The following CDKN2B-AS1 variants were observed in gnomAD, a reference collection of about 807,000 sequenced individuals.
CDKN2B-AS1 encodes the protein CDKN2B antisense RNA 1 (non-protein coding).
chr9:22,068,098 T>C (rs1398031443), intron 4 of CDKN2B-AS1, among the ~76,000 whole-genome samples: 1 of 152,212 alleles, frequency 6.6e-6, no homozygotes, highest in African/African-American at 2.4e-5. Context: ...CACTTAAATG[T>C]TAGTTTTGTC....
intron 1 of CDKN2B-AS1, among the ~76,000 whole-genome samples, chr9:22,021,632 A>AT (rs892773279): frequency 1.1e-4 from 16 of 150,948 alleles, no homozygotes; most frequent in South Asian, 2.1e-4. Context: ...CCTTGTAGAG[A>AT]TTTTTTTTTG....
Position 22,001,968 on chromosome 9 carries a change from G to T in CDKN2B-AS1, n.29+6807G>T, listed in dbSNP as rs1214311884. On this transcript the variant is annotated intron_variant and non_coding_transcript_variant, in intron 1 of 4. Transcript: ENST00000650946. The surrounding 1 kb of genome is among the most constrained non-coding windows in gnomAD (Gnocchi z 4.2). The stretch of plus-strand genomic sequence containing the variant: ...TAAGTAGAATAGGAAAATATTGAAA[G>T]TATTGAGGCTCAACTGTTGTTGCCC... 1.3e-5 allele frequency among the ~76,000 whole-genome samples: 2 copies of T among 152,060 alleles called. No homozygotes were observed. Among genetic ancestry groups the T allele is most frequent in the Non-Finnish European group, 2.9e-5 (2 of 67,946 alleles).
At chr9:22,114,873 C>T (rs1310326190) in intron 4 of CDKN2B-AS1, among the ~76,000 whole-genome samples, 1 of 152,188 alleles carries the variant, frequency 6.6e-6, no homozygotes, top group African/African-American at 2.4e-5. Flanking sequence ...GCTAATCATT[C>T]AAATTTATGC....
intron 4 of CDKN2B-AS1, among the ~76,000 whole-genome samples, chr9:22,063,411 T>C (rs1000451590): frequency 1.3e-5 from 2 of 152,184 alleles, no homozygotes; most frequent in South Asian, 2.1e-4. Context: ...GTGGGATTCC[T>C]TAATAGAAAT....
chr9:22,090,077 G>A (rs1341891744), intron 4 of CDKN2B-AS1, among the ~76,000 whole-genome samples: 1 of 148,374 alleles, frequency 6.7e-6, no homozygotes, highest in African/African-American at 2.5e-5. Flanking sequence ...AACATGCAGT[G>A]TTTGGTTTTT....
chr9:22,089,045 A>G (rs1824967018), intron 4 of CDKN2B-AS1, among the ~76,000 whole-genome samples: 1 of 152,156 alleles, frequency 6.6e-6, no homozygotes, highest in Admixed American at 6.5e-5. Context: ...GTGCAAAAAT[A>G]TCACGATTCT....
At chr9:22,102,001 C>A (rs1825501004) in intron 4 of CDKN2B-AS1, among the ~76,000 whole-genome samples, 1 of 152,140 alleles carries the variant, frequency 6.6e-6, no homozygotes, top group African/African-American at 2.4e-5. Flanking sequence ...TGCCTATGGT[C>A]ATAACTCAGC....
intron 1 of CDKN2B-AS1, chr9:22,009,085 T>G: frequency 2.2e-6 from 3 of 1,337,530 alleles, no homozygotes; most frequent in Non-Finnish European, 3.2e-6. Context: ...TCAGCTTCAT[T>G]ACCCTCCCGT....
At chr9:22,041,990 C>G (rs1822915067) in intron 1 of CDKN2B-AS1, among the ~76,000 whole-genome samples, 1 of 151,984 alleles carries the variant, frequency 6.6e-6, no homozygotes, top group African/African-American at 2.4e-5. Context: ...TGAGAGCAGT[C>G]ACACTGTTCT....
chr9:22,005,822 A>T lies in CDKN2B-AS1; in HGVS notation n.29+10661A>T. ...ATAAGACAAAGAAAAAAATGTATGG[A>T]AGGTTATTCCCGGTCGGCTCCTCCT... On this transcript the variant is annotated intron_variant and non_coding_transcript_variant, in intron 1 of 4. Transcript: ENST00000650946. This position sits in a 1 kb window ranked among gnomAD's most constrained non-coding sequence, Gnocchi z 4.9. The T allele has an allele frequency of 1.2e-6, 1 of 842,084 alleles. No homozygotes were observed. The highest frequency in any genetic ancestry group is 1.9e-6 in the Non-Finnish European group (1 of 536,572). 52.2% of individuals were successfully genotyped at this position (842,084 alleles called of 1,614,324 possible). A position where few individuals can be genotyped will look rare whatever the true frequency, so the allele number is the denominator to read the frequency against.
In CDKN2B-AS1 at chr9:21,997,122, T is replaced by C. The variant is rs1397398562; in HGVS notation, n.29+1961T>C. On this transcript the variant is annotated intron_variant and non_coding_transcript_variant, in intron 1 of 4. Coordinates refer to ENST00000650946, the Ensembl canonical transcript of CDKN2B-AS1. This position sits in a 1 kb window ranked among gnomAD's most constrained non-coding sequence, Gnocchi z 4.8. The stretch of plus-strand genomic sequence containing the variant: ...ACATCATATACAAACCTAGGTGGTA[T>C]AGTCTATTATACATCTAGGCTGTAT... 6.6e-6 allele frequency among the ~76,000 whole-genome samples: 1 copy of C among 152,212 alleles called. No homozygotes were observed. The highest frequency in any genetic ancestry group is 1.5e-5 in the Non-Finnish European group (1 of 68,036).
chr9:22,025,160 C>T (rs1368510071), intron 1 of CDKN2B-AS1, among the ~76,000 whole-genome samples: 3 of 152,180 alleles, frequency 2.0e-5, no homozygotes, highest in Admixed American at 6.5e-5. Flanking sequence ...GGGCTCCACC[C>T]CAGAGAGATG....
chr9:22,008,762 C>A (rs1330344837), intron 1 of CDKN2B-AS1: 1 of 1,609,652 alleles, frequency 6.2e-7, no homozygotes, highest in Non-Finnish European at 8.5e-7. Flanking sequence ...CGCGTTCGCG[C>A]GCCCCCTGCC....
chr9:22,122,360 T>C (rs1826120663), intron 4 of CDKN2B-AS1, among the ~76,000 whole-genome samples: 1 of 152,228 alleles, frequency 6.6e-6, no homozygotes. Context: ...ATATTCACTC[T>C]GTTGATTACT....
intron 4 of CDKN2B-AS1, among the ~76,000 whole-genome samples, chr9:22,126,198 T>A (rs1321083085): frequency 6.6e-6 from 1 of 152,218 alleles, no homozygotes; most frequent in Non-Finnish European, 1.5e-5. Context: ...AAAAGCCACC[T>A]ATAAGTGAAC....
In CDKN2B-AS1 at chr9:22,057,386, A is replaced by G. The variant is rs145139079; in HGVS notation, n.438+999A>G. Among the ~76,000 whole-genome samples, 3 of 152,354 alleles carry G rather than the reference A, an allele frequency of 2.0e-5. No individual in the cohort carries two copies. In the East Asian group the frequency reaches 5.8e-4, roughly 29 times the overall value. ...TAACAATTATGATTGTGATCTTCCA[A>G]AGCTCGTATTTTTAATCAAAATTAA... is the stretch of plus-strand genomic sequence containing the variant. On this transcript the variant is annotated intron_variant and non_coding_transcript_variant, in intron 4 of 4. Coordinates refer to ENST00000650946, the Ensembl canonical transcript of CDKN2B-AS1.
At chr9:22,051,912 T>C (rs1823362705) in intron 3 of CDKN2B-AS1, among the ~76,000 whole-genome samples, 1 of 152,054 alleles carries the variant, frequency 6.6e-6, no homozygotes, top group Non-Finnish European at 1.5e-5. Context: ...TGCTAGGAAG[T>C]TTTTCTTGTG....
At chr9:22,008,927 G>A (rs1467107795) in intron 1 of CDKN2B-AS1, 1 of 1,612,834 alleles carries the variant, frequency 6.2e-7, no homozygotes, top group African/African-American at 1.3e-5. Flanking sequence ...CGCCCCCACT[G>A]GGCATGCCCT....
At chr9:22,051,206 A>G (rs1188267832) in intron 3 of CDKN2B-AS1, among the ~76,000 whole-genome samples, 1 of 152,102 alleles carries the variant, frequency 6.6e-6, no homozygotes, top group Non-Finnish European at 1.5e-5. Context: ...AATGAAAGAG[A>G]CATTTTGTTG....
Sources: gnomAD v4.1 joint callset for allele counts (sites outside exome capture counted in the v4.1 genomes callset) on GRCh38, gnomAD v4.1.1 for gene constraint, Gnocchi (gnomAD v3.1) non-coding constraint, MANE v1.5 for transcripts, NCBI Gene and HGNC (gene_info 2026-07-23, HGNC 2026-07-21) for gene names.